The following ATP11B variants were observed in gnomAD, a reference collection of about 807,000 sequenced individuals.
The protein encoded by ATP11B is ATPase phospholipid transporting 11B (putative).
Under a neutral mutation model 157.8 loss-of-function variants are expected in ATP11B, and 81 were observed. That is an observed-to-expected ratio of 0.51 (90% CI 0.43 to 0.62). ATP11B has a LOEUF of 0.62. ATP11B is among the 20% of genes least tolerant of loss of function. The probability of loss-of-function intolerance (pLI) is 0.00; values close to 1 mark genes in which losing one functional copy is unlikely to be tolerated. For synonymous variants in ATP11B, 451 were observed against 469.4 expected, an observed-to-expected ratio of 0.96 and a Z score of 0.51; for missense variants, 1,165 against 1,402.2, an observed-to-expected ratio of 0.83 and a Z score of 2.70.
intron 1 of ATP11B, among the ~76,000 whole-genome samples, chr3:182,803,355 G>A (rs12696498): frequency 2.0e-5 from 3 of 152,132 alleles, no homozygotes; most frequent in Admixed American, 6.5e-5. Flanking sequence ...TAGATTGCCC[G>A]TTTTCCATTG....
chr3:182,799,909 T>C (rs1392221229), intron 1 of ATP11B, among the ~76,000 whole-genome samples: 2 of 152,166 alleles, frequency 1.3e-5, no homozygotes, highest in African/African-American at 4.8e-5. Context: ...GCCAGGAGTT[T>C]AAGGCCAGAT....
intron 4 of ATP11B, among the ~76,000 whole-genome samples, chr3:182,835,597 T>G (rs762700660): frequency 6.6e-6 from 1 of 152,108 alleles, no homozygotes; most frequent in Non-Finnish European, 1.5e-5. Flanking sequence ...TTATGAGACA[T>G]CAAAATTGAG....
chr3:182,866,428 T>G lies in ATP11B; in HGVS notation c.1604T>G (p.Val535Gly). Residue 535 changes from valine to glycine, a missense_variant, in exon 14 of 30, where the codon GTA (valine) becomes GGA (glycine). By Grantham distance (109) the Val-to-Gly change is moderately radical. Around this residue, in one of 4 missense-constraint regions of ATP11B, gnomAD observed 737 missense variants for 930.5 expected, o/e 0.79. Transcript: ENST00000323116. The part of the protein sequence containing the change: ...YASSPDEKAL[V>G]EAAARIGIVF... ...TCTTCACCAGATGAAAAGGCTCTAG[T>G]AGAAGCTGCTGCAAGGTAATTTAGT... 6.2e-7 allele frequency: 1 copy of G among 1,605,754 alleles called. No homozygotes were observed.
At chr3:182,855,605 GA>G (rs1720333731) in intron 10 of ATP11B, among the ~76,000 whole-genome samples, 1 of 152,060 alleles carries the variant, frequency 6.6e-6, no homozygotes, top group Non-Finnish European at 1.5e-5. Flanking sequence ...ACAGACTGGG[GA>G]AAAATACTTG....
chr3:182,911,350 C>T (rs757796894), intron 28 of ATP11B, among the ~76,000 whole-genome samples: 21 of 147,034 alleles, frequency 1.4e-4, no homozygotes, highest in Non-Finnish European at 2.4e-4. Flanking sequence ...CCACCAGTAC[C>T]ACTAACAGCA....
chr3:182,828,788 T>C (rs1189201301), intron 3 of ATP11B, among the ~76,000 whole-genome samples: 1 of 151,870 alleles, frequency 6.6e-6, no homozygotes, highest in East Asian at 1.9e-4. Context: ...AAATTATATA[T>C]GTATATAAAA....
intron 3 of ATP11B, among the ~76,000 whole-genome samples, chr3:182,828,909 T>C (rs1523063): frequency 0.52 from 79,471 of 152,022 alleles, 23,700 homozygotes; most frequent in Non-Finnish European, 0.68. Context: ...GCATCAAATA[T>C]ATAAACTCTG....
chr3:182,812,859 C>G lies in ATP11B; in HGVS notation c.28-7401C>G, dbSNP rs564744391. Among the ~76,000 whole-genome samples the G allele has an allele frequency of 2.9e-4, 44 of 152,318 alleles. No individual in the cohort carries two copies. The Middle Eastern group carries it at 0.017, about 59-fold the overall frequency. On this transcript the variant is annotated intron_variant, in intron 1 of 29. Coordinates refer to ENST00000323116, the MANE Select transcript of ATP11B (RefSeq NM_014616.3). ...TATCTTCCCAGCCTGAAACTCTGTACTCATAAACTTGCCATTCCCTTCCTT... is the reference window on the plus strand; with the variant it reads ...TATCTTCCCAGCCTGAAACTCTGTAGTCATAAACTTGCCATTCCCTTCCTT...
At chr3:182,803,276 AT>A (rs1716124100) in intron 1 of ATP11B, among the ~76,000 whole-genome samples, 1 of 152,100 alleles carries the variant, frequency 6.6e-6, no homozygotes, top group Admixed American at 6.6e-5. Flanking sequence ...ATAGTGTCTC[AT>A]TTTGTTCTAA....
In ATP11B at chr3:182,863,483, T is replaced by C. The variant is rs114102575; in HGVS notation, c.1201-1973T>C. On this transcript the variant is annotated intron_variant, in intron 12 of 29. Coordinates refer to ENST00000323116, the MANE Select transcript of ATP11B (RefSeq NM_014616.3). ...AAGAAACTTCTGGTGATTATTTCTT[T>C]AATTACTGATTTTCTCAGCCTCTCT... Among the ~76,000 whole-genome samples, 431 of 152,252 alleles carry C rather than the reference T, an allele frequency of 2.8e-3. 4 individuals carry two copies. The highest frequency in any genetic ancestry group is 0.01 in the African/African-American group (416 of 41,580).
In ATP11B at chr3:182,863,001, C is replaced by T. The variant is rs144083969; in HGVS notation, c.1201-2455C>T. Reference sequence around the variant, plus strand: ...TGCAATCTCGGCTCACTGCAAGCTCCGCCTCCTGGGTTCACGCCATTCTCC... The same window carrying T: ...TGCAATCTCGGCTCACTGCAAGCTCTGCCTCCTGGGTTCACGCCATTCTCC... On this transcript the variant is annotated intron_variant, in intron 12 of 29. Transcript: ENST00000323116. Among the ~76,000 whole-genome samples, 503 of 151,880 alleles carry T rather than the reference C, an allele frequency of 3.3e-3. 20 individuals carry two copies. In the East Asian group the frequency reaches 0.079, roughly 24 times the overall value.
At chr3:182,867,191 A>G (rs1043812476) in intron 14 of ATP11B, among the ~76,000 whole-genome samples, 185 bp from the exon 15 acceptor site, 2 of 148,874 alleles carry the variant, frequency 1.3e-5, no homozygotes, top group South Asian at 4.1e-4. Context: ...GGCCTCCTGA[A>G]GTGCTGGGAT....
At position 182,919,748 on chromosome 3, in the gene ATP11B, AC is replaced by A. The variant is rs1725350149; in HGVS notation, c.*1645del. On this transcript the variant is annotated 3_prime_UTR_variant, in exon 30 of 30. Coordinates refer to ENST00000323116, the MANE Select transcript of ATP11B (RefSeq NM_014616.3). ...AGACTTTATCCTTGTTTGCTTGTAA[AC>A]TATTATTTTCTTGCTAATGTAACAT... The A allele has an allele frequency of 6.6e-6, 1 of 152,184 alleles. No individual in the cohort carries two copies. Among genetic ancestry groups the A allele is most frequent in the African/African-American group, 2.4e-5 (1 of 41,452 alleles). The allele number at this position is 152,184 out of a possible 1,614,324, so 9.4% of individuals were successfully genotyped here. A position where few individuals can be genotyped will look rare whatever the true frequency, so the allele number is the denominator to read the frequency against.
chr3:182,819,198 A>T (rs1717164826), intron 1 of ATP11B, among the ~76,000 whole-genome samples: 1 of 150,268 alleles, frequency 6.7e-6, no homozygotes, highest in Non-Finnish European at 1.5e-5. Context: ...TGCTCAGAGT[A>T]GCTGGGACTA....
At chr3:182,873,382 T>G (rs762766711) in intron 18 of ATP11B, among the ~76,000 whole-genome samples, 98 of 152,352 alleles carry the variant, frequency 6.4e-4, no homozygotes, top group Admixed American at 1.2e-3. Flanking sequence ...GAGACTCACC[T>G]AAAGTTAGCT....
chr3:182,915,211 A>G, intron 29 of ATP11B: 1 of 985,404 alleles, frequency 1.0e-6, no homozygotes, highest in Non-Finnish European at 1.2e-6. Context: ...CCATGCCTTT[A>G]TGATACAATT....
chr3:182,827,754 A>C (rs1396844828), intron 2 of ATP11B, among the ~76,000 whole-genome samples: 1 of 151,526 alleles, frequency 6.6e-6, no homozygotes, highest in East Asian at 1.9e-4. Context: ...CTATCAACTC[A>C]TATTTATCTT....
chr3:182,847,143 C>T (rs1377074461), intron 9 of ATP11B, among the ~76,000 whole-genome samples: 1 of 151,320 alleles, frequency 6.6e-6, no homozygotes, highest in Non-Finnish European at 1.5e-5. Flanking sequence ...CTCTGCCTCC[C>T]GGGTTCAAGC....
intron 28 of ATP11B, among the ~76,000 whole-genome samples, chr3:182,911,605 T>C (rs901415153): frequency 3.3e-5 from 5 of 152,106 alleles, no homozygotes; most frequent in African/African-American, 1.2e-4. Flanking sequence ...AGAAGCATCT[T>C]ACATAGTCAC....
Sources: gnomAD v4.1 joint callset for allele counts (sites outside exome capture counted in the v4.1 genomes callset) on GRCh38, gnomAD v4.1.1 for gene constraint, gnomAD v4.1.1 regional missense constraint, MANE v1.5 for transcripts, NCBI Gene and HGNC (gene_info 2026-07-23, HGNC 2026-07-21) for gene names.